Variants in MRPL48 observed in about 807,000 individuals in gnomAD.
The protein encoded by MRPL48 is mitochondrial ribosomal protein L48, also known as large ribosomal subunit protein mL48.
Under a neutral mutation model 32.9 loss-of-function variants are expected in MRPL48, and 16 were observed. The observed-to-expected ratio is 0.49, with a 90% confidence interval of 0.33 to 0.74. The LOEUF (loss-of-function observed/expected upper bound fraction) is 0.74, where lower values mean the gene tolerates loss of function less well. Ranked by LOEUF, MRPL48 falls within the 30% of genes least tolerant of loss-of-function variation. The pLI, the probability that MRPL48 is intolerant of heterozygous loss-of-function variation, is 0.02. For synonymous variants in MRPL48, 94 were observed against 89.2 expected (o/e 1.05, Z -0.31); for missense variants, 206 against 245.3 (o/e 0.84, Z 1.07).
chr11:73,788,187 C>A (rs1358885375), intron 1 of MRPL48, among the ~76,000 whole-genome samples, 195 bp downstream of exon 1: 1 of 152,030 alleles, frequency 6.6e-6, no homozygotes, highest in Non-Finnish European at 1.5e-5. Flanking sequence ...CCTTTCCACC[C>A]GGGGCGAACT....
rs778235110 is a variant in MRPL48, at chr11:73,844,974, A to G, written c.369A>G (p.Glu123=). The G allele has an allele frequency of 1.2e-6, 2 of 1,603,366 alleles. No individual in the cohort carries two copies. Among genetic ancestry groups the G allele is most frequent in the Non-Finnish European group, 1.7e-6 (2 of 1,172,850 alleles). ...LCNSLSIKVE[E]SYAMPTKTIE... is the part of the protein sequence containing the mutation. ...ACTCTCTCTCCATTAAAGTCGAGGA[A>G]AGGTATGAAGGATGCTTTTGTATGG... The change falls in exon 5 of 8, where the codon GAA becomes GAG. Residue 123 remains glutamate, a splice_region_variant and synonymous_variant. Coordinates refer to ENST00000310614, the MANE Select transcript of MRPL48 (RefSeq NM_016055.6).
At chr11:73,795,412 A>T (rs1185185500) in intron 1 of MRPL48, among the ~76,000 whole-genome samples, 19 of 151,228 alleles carry the variant, frequency 1.3e-4, no homozygotes, top group East Asian at 3.9e-4. Context: ...TTTTTTTTTT[A>T]AAGTATAACA....
intron 5 of MRPL48, chr11:73,850,641 G>T: frequency 6.6e-6 from 2 of 303,496 alleles, no homozygotes; most frequent in Non-Finnish European, 1.3e-5. Context: ...CTCTCTTCTT[G>T]GAGGTTTTTT....
rs373036012 is a variant in MRPL48, at chr11:73,803,752, A to AAAAC, written c.22-1259_22-1256dup. 2.8e-3 allele frequency among the ~76,000 whole-genome samples: 430 copies of AAAAC among 151,912 alleles called. 2 individuals carry two copies. Among genetic ancestry groups the AAAAC allele is most frequent in the African/African-American group, 9.8e-3 (406 of 41,456 alleles). Reference sequence around the variant, plus strand: ...GACTTTTTTTTTGTTTCTTTCCCGTAAAACAAACAAACAAACAAAAGAACA... The same window carrying AAAAC: ...GACTTTTTTTTTGTTTCTTTCCCGTAAAACAAACAAACAAACAAACAAAAGAACA... On this transcript the variant is annotated intron_variant, in intron 1 of 7. Transcript: ENST00000310614.
At chr11:73,788,472 C>CTTTTTTTTTTTTTTT (rs11352308) in intron 1 of MRPL48, among the ~76,000 whole-genome samples, 1 of 109,640 alleles carries the variant, frequency 9.1e-6, no homozygotes, top group Non-Finnish European at 1.8e-5. Flanking sequence ...TCTTTTCTTT[C>CTTTTTTTTTTTTTTT]TTTTTTTTTT....
chr11:73,791,592 A>AT (rs1265034260), intron 1 of MRPL48, among the ~76,000 whole-genome samples: 1 of 151,260 alleles, frequency 6.6e-6, no homozygotes, highest in Admixed American at 6.6e-5. Context: ...AATTTTTTGT[A>AT]TTTTTTTGTA....
intron 3 of MRPL48, among the ~76,000 whole-genome samples, chr11:73,822,056 A>C (rs977456524): frequency 6.6e-6 from 1 of 152,158 alleles, no homozygotes; most frequent in African/African-American, 2.4e-5. Flanking sequence ...TATCAGCTCC[A>C]TGGGTGGGTC....
chr11:73,837,263 G>A (rs1948119801), intron 4 of MRPL48, among the ~76,000 whole-genome samples: 2 of 152,112 alleles, frequency 1.3e-5, no homozygotes, highest in Admixed American at 1.3e-4. Flanking sequence ...AGAGAGCCTG[G>A]GCTTGGGGCT....
At chr11:73,839,878 G>A (rs575094808) in intron 4 of MRPL48, among the ~76,000 whole-genome samples, 3 of 152,134 alleles carry the variant, frequency 2.0e-5, no homozygotes, top group East Asian at 1.9e-4. Context: ...TGGAAGGATC[G>A]CTTGAGGTCA....
At chr11:73,821,624 A>G (rs746229868) in intron 3 of MRPL48, among the ~76,000 whole-genome samples, 1 of 152,144 alleles carries the variant, frequency 6.6e-6, no homozygotes, top group South Asian at 2.1e-4. Context: ...CTGGCACTCA[A>G]GTTCATCTTA....
intron 3 of MRPL48, chr11:73,822,922 TG>T: frequency 2.3e-6 from 1 of 433,432 alleles, no homozygotes. Flanking sequence ...AACTCTTTTG[TG>T]AACTGCACAT....
chr11:73,788,086 G>T, intron 1 of MRPL48, 94 bp downstream of exon 1: 3 of 1,554,164 alleles, frequency 1.9e-6, no homozygotes, highest in Non-Finnish European at 1.7e-6. Flanking sequence ...AGGTGGCGGC[G>T]CGCGGACATC....
At chr11:73,832,537 G>C (rs1337601321) in intron 4 of MRPL48, 1 of 155,020 alleles carries the variant, frequency 6.5e-6, no homozygotes, top group African/African-American at 2.4e-5. Flanking sequence ...TATTGGGGAT[G>C]GTTGTCCTCT....
rs35448499 is a variant in MRPL48 at position 73,835,140 on chromosome 11, CT to C, written c.201+9364del. 8.1e-4 allele frequency among the ~76,000 whole-genome samples: 88 copies of C among 108,494 alleles called. No homozygotes were observed. The East Asian group carries it at 8.6e-3, about 11-fold the overall frequency. The allele number at this position is 108,494 out of a possible 152,430, so 71.2% of individuals were successfully genotyped here. ...GAGCCACTGTGCCCAGCCATGTTGT[CT>C]TTTTTTTTTTTTTTTTTTTGAGACG... is the stretch of plus-strand genomic sequence containing the variant. On this transcript the variant is annotated intron_variant, in intron 4 of 7. Transcript: ENST00000310614.
chr11:73,788,938 T>G (rs1323005676), intron 1 of MRPL48, among the ~76,000 whole-genome samples: 1 of 152,222 alleles, frequency 6.6e-6, no homozygotes, highest in Non-Finnish European at 1.5e-5. Context: ...TAATGACTCA[T>G]TTTAGCAATT....
chr11:73,815,853 A>T (rs968603200), intron 3 of MRPL48, among the ~76,000 whole-genome samples: 1 of 150,594 alleles, frequency 6.6e-6, no homozygotes, highest in African/African-American at 2.4e-5. Flanking sequence ...ACTCCTCAGT[A>T]GCTGGGACTG....
chr11:73,831,846 G>T (rs992109244), intron 4 of MRPL48, among the ~76,000 whole-genome samples: 3 of 150,692 alleles, frequency 2.0e-5, no homozygotes, highest in East Asian at 3.9e-4. Context: ...AGACTGAGGC[G>T]GGAGAATCGC....
rs1160099522 is a variant in MRPL48 at position 73,813,382 on chromosome 11, C to CTA, written c.112+5032_112+5033insTA. ...AGAGACAGGGTTTCACCATGTTGGT[C>CTA]AGGCTGGTCTCTAACTCCTGACCTC... On this transcript the variant is annotated intron_variant, in intron 3 of 7. Transcript: ENST00000310614. Among the ~76,000 whole-genome samples the CTA allele has an allele frequency of 3.9e-5, 6 of 152,168 alleles. No homozygotes were observed. The East Asian group carries it at 9.7e-4, about 25-fold the overall frequency.
chr11:73,789,055 G>C (rs935330023), intron 1 of MRPL48, among the ~76,000 whole-genome samples: 15 of 152,168 alleles, frequency 9.9e-5, no homozygotes, highest in African/African-American at 3.6e-4. Context: ...TTACCTTGGG[G>C]CTGCCCTTGA....
Sources: gnomAD v4.1 joint callset for allele counts (sites outside exome capture counted in the v4.1 genomes callset) on GRCh38, gnomAD v4.1.1 for gene constraint, MANE v1.5 for transcripts, NCBI Gene and HGNC (gene_info 2026-07-23, HGNC 2026-07-21) for gene names.